CHRFAM7A: variants seen among roughly 807,000 people sequenced by gnomAD.
CHRFAM7A encodes the protein CHRNA7-FAM7A fusion protein.
Under a neutral mutation model 29.2 loss-of-function variants are expected in CHRFAM7A, and 3 were observed. That is an observed-to-expected ratio of 0.10 (90% CI 0.05 to 0.27). The LOEUF is 0.27. CHRFAM7A is among the 10% of genes least tolerant of loss of function. The pLI is 1.00. For synonymous variants in CHRFAM7A, 7 were observed against 135.4 expected, an observed-to-expected ratio of 0.05 and a Z score of 6.58; for missense variants, 22 against 328.0, an observed-to-expected ratio of 0.07 and a Z score of 7.21.
intron 5 of CHRFAM7A, among the ~76,000 whole-genome samples, chr15:30,375,610 CGTGTGTGAGTGGTGTGTATGGT>C (rs2058917546): frequency 2.0e-5 from 3 of 146,828 alleles, no homozygotes; most frequent in South Asian, 4.5e-4. Flanking sequence ...GGTTGTGAGT[CGTGTGTGAGTGGTGTGTATGGT>C]GTGTGAGAGT....
intron 5 of CHRFAM7A, among the ~76,000 whole-genome samples, chr15:30,376,117 ACT>A (rs1384754848): frequency 5.3e-5 from 6 of 113,830 alleles, no homozygotes; most frequent in Admixed American, 1.9e-4. Flanking sequence ...GTGTGTGAGT[ACT>A]GAGTGGTGTG....
chr15:30,367,239 T>G (rs1595499372), intron 9 of CHRFAM7A, among the ~76,000 whole-genome samples, 179 bp downstream of exon 9: 1 of 151,122 alleles, frequency 6.6e-6, no homozygotes, highest in East Asian at 1.9e-4. Flanking sequence ...TGAGCCAAGA[T>G]TACACCACTG....
intron 5 of CHRFAM7A, among the ~76,000 whole-genome samples, chr15:30,374,649 G>A (rs1397376980): frequency 2.3e-5 from 3 of 130,022 alleles, no homozygotes; most frequent in Admixed American, 8.1e-5. Flanking sequence ...GGGGTGATGG[G>A]AATGTTCTAA....
intron 4 of CHRFAM7A, among the ~76,000 whole-genome samples, chr15:30,377,822 A>C (rs2058949462): frequency 6.9e-6 from 1 of 145,734 alleles, no homozygotes; most frequent in South Asian, 2.2e-4. Context: ...ACACATAAAA[A>C]TAGCTAAAAT....
rs750418790 is a variant in CHRFAM7A, at chr15:30,369,023, GTGT to G, written c.611-1499_611-1497del. Among the ~76,000 whole-genome samples, 61 of 146,450 alleles carry G rather than the reference GTGT, an allele frequency of 4.2e-4. 4 individuals carry two copies. The highest frequency in any genetic ancestry group is 7.5e-4 in the Non-Finnish European group (50 of 66,668). On this transcript the variant is annotated intron_variant, in intron 8 of 9. Coordinates refer to ENST00000299847, the MANE Select transcript of CHRFAM7A (RefSeq NM_139320.2). ...GAAACGCCCCGCTTTGGTGTCAGAAGTGTTGTGTAAGTAGAGAAATGGTGACTG... is the reference window on the plus strand; with the variant it reads ...GAAACGCCCCGCTTTGGTGTCAGAAGTGTGTAAGTAGAGAAATGGTGACTG...
upstream of CHRFAM7A, chr15:30,393,803 CG>C (rs1244139063): frequency 3.6e-5 from 3 of 82,204 alleles, no homozygotes; most frequent in African/African-American, 1.1e-4. Flanking sequence ...CCTTTCTGCC[CG>C]ACCGATCTGG....
At chr15:30,367,344 T>C in intron 9 of CHRFAM7A, 74 bp downstream of exon 9, 7 of 1,537,240 alleles carry the variant, frequency 4.6e-6, no homozygotes, top group Non-Finnish European at 4.4e-6. Flanking sequence ...TTTTGTGTGA[T>C]TTTAAAAATA....
At chr15:30,363,047 G>A (rs2058757935) in intron 9 of CHRFAM7A, among the ~76,000 whole-genome samples, 1 of 151,590 alleles carries the variant, frequency 6.6e-6, no homozygotes, top group South Asian at 2.1e-4. Context: ...GTTCTCCGGG[G>A]CAGGCACACT....
chr15:30,373,943 A>G (rs2058893636), intron 5 of CHRFAM7A, among the ~76,000 whole-genome samples: 1 of 139,198 alleles, frequency 7.2e-6, no homozygotes, highest in Admixed American at 7.4e-5. Flanking sequence ...CAGCCTGGGG[A>G]ACACACCTAG....
intron 1 of CHRFAM7A, among the ~76,000 whole-genome samples, chr15:30,392,745 TC>T (rs2059006426): frequency 3.4e-5 from 1 of 29,378 alleles, no homozygotes; most frequent in Non-Finnish European, 7.3e-5. Flanking sequence ...GAGACGGGTT[TC>T]ACCATGTTGG....
At chr15:30,376,227 C>T (rs907752407) in intron 5 of CHRFAM7A, among the ~76,000 whole-genome samples, 1 of 137,864 alleles carries the variant, frequency 7.3e-6, no homozygotes. Flanking sequence ...GTGTGTGAGT[C>T]GTATGTGTGA....
intron 5 of CHRFAM7A, among the ~76,000 whole-genome samples, chr15:30,374,427 G>A (rs1226364019): frequency 9.4e-4 from 99 of 105,498 alleles, no homozygotes; most frequent in African/African-American, 3.6e-3. Flanking sequence ...ATAGGAATCT[G>A]GAATCATCAC....
rs1331027248 is a variant in CHRFAM7A, at chr15:30,367,452, T to C, written c.686A>G (p.His229Arg). Residue 229 changes from histidine to arginine, a missense_variant, in exon 9 of 10, where the codon CAC (histidine) becomes CGC (arginine). Physicochemically the swap from His to Arg is conservative, Grantham distance 29 (BLOSUM62 0). Transcript: ENST00000299847. ...VVTVIVLQYH[H>R]HDPDGGKMPK... ...CATCTTGCCCCCGTCGGGGTCGTGG[T>C]GGTGGTACTGCAGCACGATCACCGT... is the stretch of plus-strand genomic sequence containing the variant. 6.2e-7 allele frequency: 1 copy of C among 1,607,864 alleles called. No homozygotes were observed. Among genetic ancestry groups the C allele is most frequent in the Non-Finnish European group, 8.5e-7 (1 of 1,175,682 alleles).
chr15:30,367,194 G>A (rs2058796145), intron 9 of CHRFAM7A, among the ~76,000 whole-genome samples: 1 of 151,060 alleles, frequency 6.6e-6, no homozygotes, highest in Non-Finnish European at 1.5e-5. Context: ...GCTGAGGCAG[G>A]AGAATTGCTT....
chr15:30,371,567 C>T (rs1229321556), intron 7 of CHRFAM7A, among the ~76,000 whole-genome samples: 1 of 150,058 alleles, frequency 6.7e-6, no homozygotes, highest in Non-Finnish European at 1.5e-5. Flanking sequence ...GTTTGCTACT[C>T]AGCTAGCTAT....
intron 5 of CHRFAM7A, among the ~76,000 whole-genome samples, chr15:30,374,633 C>A (rs2058901966): frequency 7.5e-6 from 1 of 134,064 alleles, no homozygotes; most frequent in African/African-American, 2.8e-5. Context: ...CAAAAGGGAT[C>A]TTTGTGGGGT....
intron 5 of CHRFAM7A, among the ~76,000 whole-genome samples, chr15:30,376,104 G>A (rs1356622902): frequency 7.3e-5 from 11 of 150,302 alleles, no homozygotes; most frequent in Non-Finnish European, 1.2e-4. Flanking sequence ...TGGTGTGAGT[G>A]GTGTGTGTGA....
chr15:30,363,002 A>G, intron 9 of CHRFAM7A, among the ~76,000 whole-genome samples, 191 bp from the exon 10 acceptor site: 1 of 151,410 alleles, frequency 6.6e-6, no homozygotes. Context: ...GTGAGGCAAG[A>G]CTAAAACTGA....
intron 9 of CHRFAM7A, among the ~76,000 whole-genome samples, chr15:30,367,213 G>T: frequency 6.6e-6 from 1 of 151,282 alleles, no homozygotes; most frequent in East Asian, 2.0e-4. Flanking sequence ...TTGAATCCAG[G>T]AGGTGGAGGT....
Sources: allele counts gnomAD v4.1 joint callset (sites outside exome capture counted in the v4.1 genomes callset), GRCh38; gene constraint gnomAD v4.1.1; transcripts MANE v1.5; gene names NCBI Gene and HGNC (gene_info 2026-07-23, HGNC 2026-07-21).